The following TRDN variants were observed in gnomAD, a reference collection of about 807,000 sequenced individuals.
TRDN encodes the protein triadin in skeletal muscle.
Under a neutral mutation model 149.7 loss-of-function variants are expected in TRDN, and 161 were observed. The observed-to-expected ratio is 1.08, with a 90% CI of 0.95 to 1.23. The LOEUF is 1.23. Among genes scored for constraint, TRDN ranks in the 50% most tolerant of loss-of-function variants. The pLI is 0.00. For synonymous variants in TRDN, 294 were observed against 250.5 expected (o/e 1.17, Z -1.64); for missense variants, 896 against 823.5 (o/e 1.09, Z -1.08).
chr6:123,502,844 T>G, intron 8 of TRDN: 1 of 985,246 alleles, frequency 1.0e-6, no homozygotes, highest in Non-Finnish European at 1.2e-6. Context: ...TCTCTACATG[T>G]TAGATCCCCG....
rs759615347 is a variant in TRDN, at chr6:123,267,719, A to G, written c.1771T>C (p.Ser591Pro). The G allele has an allele frequency of 6.3e-7, 1 of 1,581,180 alleles. No individual in the cohort carries two copies. The highest frequency in any genetic ancestry group is 8.6e-7 in the Non-Finnish European group (1 of 1,162,824). ...KAEHREREPP[S>P]IKTDKPKPTP... ...AATGGTAAAATACCTGTTTTTATAGATGGAGGTTCTCTTTCTCGATGTTCA... is the reference window on the plus strand; with the variant it reads ...AATGGTAAAATACCTGTTTTTATAGGTGGAGGTTCTCTTTCTCGATGTTCA... The change falls in exon 32 of 41, where the codon TCT (serine) becomes CCT (proline). Residue 591 changes from serine (S) to proline (P), a missense_variant. By Grantham distance (74) the Ser-to-Pro change is moderately conservative. Coordinates refer to ENST00000334268, the MANE Select transcript of TRDN (RefSeq NM_006073.4).
At chr6:123,605,362 C>G (rs903981223) in intron 1 of TRDN, among the ~76,000 whole-genome samples, 4 of 150,572 alleles carry the variant, frequency 2.7e-5, no homozygotes, top group African/African-American at 9.8e-5. Flanking sequence ...GGCAAAACTC[C>G]TCTGAACATA....
chr6:123,635,528 C>T (rs1214753421), intron 1 of TRDN, among the ~76,000 whole-genome samples: 3 of 151,856 alleles, frequency 2.0e-5, no homozygotes, highest in Non-Finnish European at 4.4e-5. Context: ...AAATACCTAA[C>T]ACATAGAAAT....
At chr6:123,326,133 T>C (rs967320539) in intron 23 of TRDN, among the ~76,000 whole-genome samples, 2 of 152,142 alleles carry the variant, frequency 1.3e-5, no homozygotes, top group African/African-American at 4.8e-5. Flanking sequence ...TATCCTCTCC[T>C]AACATTATTT....
At chr6:123,243,319 GCAA>G (rs1311093208) in intron 38 of TRDN, among the ~76,000 whole-genome samples, 1 of 152,048 alleles carries the variant, frequency 6.6e-6, no homozygotes, top group Non-Finnish European at 1.5e-5. Context: ...CAAAATCAAA[GCAA>G]CAACTGTTAC....
chr6:123,528,532 A>G (rs1780062326), intron 5 of TRDN: 1 of 575,300 alleles, frequency 1.7e-6, no homozygotes, highest in Admixed American at 6.4e-5. Flanking sequence ...ATCACAGACT[A>G]CTACTACCTT....
At chr6:123,285,460 G>A (rs1777770011) in intron 24 of TRDN, among the ~76,000 whole-genome samples, 1 of 152,100 alleles carries the variant, frequency 6.6e-6, no homozygotes, top group South Asian at 2.1e-4. Context: ...TCAACAAATG[G>A]TGCTGGGACA....
intron 38 of TRDN, among the ~76,000 whole-genome samples, chr6:123,244,382 C>G (rs1050612343): frequency 8.6e-5 from 13 of 152,034 alleles, no homozygotes; most frequent in Admixed American, 8.5e-4. Flanking sequence ...CTAGAATAAC[C>G]AGTTTAGAGA....
intron 10 of TRDN, among the ~76,000 whole-genome samples, chr6:123,453,467 C>G (rs1775911698): frequency 6.6e-6 from 1 of 151,842 alleles, no homozygotes; most frequent in Admixed American, 6.6e-5. Flanking sequence ...AGACAATTCT[C>G]AAAAGAAGAT....
intron 22 of TRDN, 38 bp from the exon 23 acceptor site, chr6:123,331,967 CA>C (rs761533603): frequency 1.4e-6 from 2 of 1,473,162 alleles, no homozygotes; most frequent in Non-Finnish European, 1.8e-6. Flanking sequence ...GAAGCCAAGA[CA>C]AAGAGATTTT....
At chr6:123,439,325 AG>A (rs1774749682) in intron 10 of TRDN, among the ~76,000 whole-genome samples, 1 of 152,236 alleles carries the variant, frequency 6.6e-6, no homozygotes, top group African/African-American at 2.4e-5. Context: ...AGTGCCTAAA[AG>A]TATTGATATA....
intron 24 of TRDN, among the ~76,000 whole-genome samples, chr6:123,289,523 G>T (rs1015496058): frequency 6.6e-6 from 1 of 152,120 alleles, no homozygotes; most frequent in Non-Finnish European, 1.5e-5. Context: ...CAGGGCCTCA[G>T]TGAAAGCAGC....
At chr6:123,310,501 G>A (rs1778779978) in intron 24 of TRDN, among the ~76,000 whole-genome samples, 1 of 151,896 alleles carries the variant, frequency 6.6e-6, no homozygotes, top group East Asian at 1.9e-4. Flanking sequence ...TTTTATGTGG[G>A]TGCAGGATTG....
intron 12 of TRDN, among the ~76,000 whole-genome samples, chr6:123,414,857 A>T (rs1773590039): frequency 6.6e-6 from 1 of 152,178 alleles, no homozygotes; most frequent in African/African-American, 2.4e-5. Flanking sequence ...TGTAATGATA[A>T]TACAATTTTG....
intron 12 of TRDN, among the ~76,000 whole-genome samples, chr6:123,431,810 A>G (rs2114573318): frequency 6.6e-6 from 1 of 152,314 alleles, no homozygotes; most frequent in Admixed American, 6.5e-5. Context: ...TTTGAGCTAG[A>G]ACAACTTGTT....
At chr6:123,393,749 G>C in intron 12 of TRDN, 72 bp from the exon 13 acceptor site, 2 of 1,399,374 alleles carry the variant, frequency 1.4e-6, no homozygotes, top group Admixed American at 4.3e-5. Context: ...AAAGGGACAG[G>C]GGAGCACAAA....
At chr6:123,571,572 C>G (rs1476382005) in intron 1 of TRDN, among the ~76,000 whole-genome samples, 3 of 151,778 alleles carry the variant, frequency 2.0e-5, no homozygotes, top group Non-Finnish European at 4.4e-5. Flanking sequence ...CTTACTATAT[C>G]CAGTACCTCT....
intron 12 of TRDN, among the ~76,000 whole-genome samples, chr6:123,410,479 C>G (rs1164174029): frequency 6.6e-6 from 1 of 152,126 alleles, no homozygotes; most frequent in African/African-American, 2.4e-5. Flanking sequence ...TAATGTTAAT[C>G]ATTTCTATAA....
intron 1 of TRDN, among the ~76,000 whole-genome samples, chr6:123,634,657 T>A (rs1786198687): frequency 6.6e-6 from 1 of 151,928 alleles, no homozygotes. Context: ...GAAAAAACTT[T>A]GGATATCATC....
Sources: allele counts gnomAD v4.1 joint callset (sites outside exome capture counted in the v4.1 genomes callset), GRCh38; gene constraint gnomAD v4.1.1; transcripts MANE v1.5; gene names NCBI Gene and HGNC (gene_info 2026-07-23, HGNC 2026-07-21).